CNTNAP5: variants seen among roughly 807,000 people sequenced by gnomAD.
CNTNAP5 encodes the protein contactin-associated protein-like 5.
CNTNAP5 carries 72 observed loss-of-function variants against 150.2 expected under a neutral mutation model. The ratio of observed to expected loss-of-function variants is 0.48; its 90% CI spans 0.40 to 0.58. CNTNAP5 has a LOEUF of 0.58. CNTNAP5 is among the 20% of genes least tolerant of loss of function. The probability of loss-of-function intolerance (pLI) is 0.00; values close to 1 mark genes in which losing one functional copy is unlikely to be tolerated. For synonymous variants in CNTNAP5, 672 were observed against 619.8 expected (o/e 1.08, Z -1.25); for missense variants, 1,636 against 1,626.2 (o/e 1.01, Z -0.10).
chr2:124,698,739 G>A (rs1679458165), intron 13 of CNTNAP5, among the ~76,000 whole-genome samples: 1 of 152,134 alleles, frequency 6.6e-6, no homozygotes, highest in Admixed American at 6.5e-5. Context: ...CAAAGCCCTT[G>A]TCTCTGCCCC....
At chr2:124,390,260 C>T (rs529049317) in intron 3 of CNTNAP5, among the ~76,000 whole-genome samples, 1 of 152,180 alleles carries the variant, frequency 6.6e-6, no homozygotes, top group African/African-American at 2.4e-5. Context: ...ATTTTGATTT[C>T]TCATCTGCAT....
intron 12 of CNTNAP5, among the ~76,000 whole-genome samples, chr2:124,643,698 C>G (rs1017307770): frequency 4.6e-5 from 7 of 152,146 alleles, no homozygotes; most frequent in Non-Finnish European, 7.3e-5. Context: ...GCCAGACAGT[C>G]TATGTGCACC....
intron 17 of CNTNAP5, among the ~76,000 whole-genome samples, chr2:124,774,060 CT>C (rs1489187986): frequency 6.6e-6 from 1 of 151,716 alleles, no homozygotes; most frequent in African/African-American, 2.4e-5. Flanking sequence ...CAAAATCGAG[CT>C]CTTAAAGTTA....
At chr2:124,597,704 G>GGA (rs1394194633) in intron 11 of CNTNAP5, among the ~76,000 whole-genome samples, 3 of 151,908 alleles carry the variant, frequency 2.0e-5, no homozygotes, top group Non-Finnish European at 2.9e-5. Flanking sequence ...TTGCTAGATT[G>GGA]GAGAAGTTCT....
At chr2:124,469,840 C>G (rs1472594437) in intron 6 of CNTNAP5, among the ~76,000 whole-genome samples, 2 of 152,112 alleles carry the variant, frequency 1.3e-5, no homozygotes, top group African/African-American at 4.8e-5. Context: ...GTTTTCTGTT[C>G]CTGCATTAGT....
In CNTNAP5 at chr2:124,798,268, C is replaced by T. The variant is rs1179700656; in HGVS notation, c.3165C>T (p.Leu1055=). The T allele has an allele frequency of 8.1e-6, 13 of 1,613,912 alleles. No individual in the cohort carries two copies. In the East Asian group the frequency reaches 2.9e-4, roughly 36 times the overall value. ...FVTTQAPSLL[L]FINSSSQDFV... is the part of the protein sequence containing the mutation. ...CAACCCAGGCACCCAGTCTTTTGCT[C>T]TTTATCAATTCTTCTTCTCAGGACT... Residue 1055 remains leucine, a synonymous_variant, in exon 19 of 24, where the codon CTC becomes CTT. Transcript: ENST00000682447.
intron 4 of CNTNAP5, among the ~76,000 whole-genome samples, chr2:124,431,388 A>G (rs1314940030): frequency 6.6e-6 from 1 of 151,856 alleles, no homozygotes; most frequent in Non-Finnish European, 1.5e-5. Flanking sequence ...CAGGCAGCCA[A>G]GTACACTGGA....
At chr2:124,391,056 C>T (rs1318394172) in intron 3 of CNTNAP5, among the ~76,000 whole-genome samples, 2 of 152,192 alleles carry the variant, frequency 1.3e-5, no homozygotes, top group African/African-American at 4.8e-5. Context: ...AAATCTGCTT[C>T]TGCATATTAA....
In CNTNAP5 at chr2:124,719,695, A is replaced by AT. The variant is rs537216224; in HGVS notation, c.2078-27526dup. ...TTGAAGGCACTTAAACTATATCCCCATTTTTTTTAACTCTCAATAATACTG... is the reference window on the plus strand; with the variant it reads ...TTGAAGGCACTTAAACTATATCCCCATTTTTTTTTAACTCTCAATAATACTG... On this transcript the variant is annotated intron_variant, in intron 13 of 23. Coordinates refer to ENST00000682447, the MANE Select transcript of CNTNAP5 (RefSeq NM_001367498.1). Among the ~76,000 whole-genome samples, 94 of 151,802 alleles carry AT rather than the reference A, an allele frequency of 6.2e-4. 1 individual carries two copies. Among genetic ancestry groups the AT allele is most frequent in the Non-Finnish European group, 8.1e-4 (55 of 67,924 alleles).
intron 13 of CNTNAP5, among the ~76,000 whole-genome samples, chr2:124,697,903 G>T (rs1326616239): frequency 1.3e-5 from 2 of 151,990 alleles, no homozygotes; most frequent in Non-Finnish European, 2.9e-5. Context: ...TCCTCATTTT[G>T]TATAAGAAAA....
At chr2:124,630,507 T>A (rs1028601903) in intron 12 of CNTNAP5, among the ~76,000 whole-genome samples, 2 of 152,174 alleles carry the variant, frequency 1.3e-5, no homozygotes, top group Admixed American at 6.5e-5. Flanking sequence ...GAAAAGGCCT[T>A]CAATAAAATT....
chr2:124,281,667 G>T (rs533070056), intron 3 of CNTNAP5, among the ~76,000 whole-genome samples: 1 of 152,248 alleles, frequency 6.6e-6, no homozygotes, highest in African/African-American at 2.4e-5. Flanking sequence ...TGGCAAATGT[G>T]GTTCTCCTGG....
chr2:124,158,574 G>A (rs756414038), intron 1 of CNTNAP5, among the ~76,000 whole-genome samples: 8 of 152,126 alleles, frequency 5.3e-5, no homozygotes, highest in South Asian at 2.1e-4. Context: ...TTGAATCCAC[G>A]GATATAGAAC....
At position 124,911,662 on chromosome 2, in the gene CNTNAP5, G is replaced by A. The variant is rs1678658019; in HGVS notation, c.3727+124G>A. 3 of 738,124 alleles carry A rather than the reference G, an allele frequency of 4.1e-6. No individual in the cohort carries two copies. The Admixed American group carries it at 6.5e-5, about 16-fold the overall frequency. The allele number at this position is 738,124 out of a possible 1,614,324, so 45.7% of individuals were successfully genotyped here. A position where few individuals can be genotyped will look rare whatever the true frequency, so the allele number is the denominator to read the frequency against. Reference sequence around the variant, plus strand: ...TCAGAGCCCCCTACATTACCTGCAAGACTGTGGGCTTTTCATGAGTAGTCC... The same window carrying A: ...TCAGAGCCCCCTACATTACCTGCAAAACTGTGGGCTTTTCATGAGTAGTCC... On this transcript the variant is annotated intron_variant, in intron 23 of 23. Coordinates refer to ENST00000682447, the MANE Select transcript of CNTNAP5 (RefSeq NM_001367498.1).
intron 19 of CNTNAP5, among the ~76,000 whole-genome samples, chr2:124,828,430 G>A (rs755337290): frequency 7.9e-5 from 12 of 151,994 alleles, no homozygotes; most frequent in Non-Finnish European, 1.6e-4. Context: ...GCAGCAAGCT[G>A]AGATCGTGCC....
intron 3 of CNTNAP5, among the ~76,000 whole-genome samples, chr2:124,275,963 C>T (rs1471461757): frequency 6.6e-6 from 1 of 152,180 alleles, no homozygotes; most frequent in Non-Finnish European, 1.5e-5. Flanking sequence ...GCCAATGGAA[C>T]TGTCTAATGT....
At chr2:124,037,115 C>G (rs1017524166) in intron 1 of CNTNAP5, among the ~76,000 whole-genome samples, 3 of 152,160 alleles carry the variant, frequency 2.0e-5, no homozygotes, top group Non-Finnish European at 4.4e-5. Flanking sequence ...CTAGAAGTCA[C>G]TATGTCAACC....
At chr2:124,037,640 C>G (rs914093307) in intron 1 of CNTNAP5, among the ~76,000 whole-genome samples, 1 of 152,060 alleles carries the variant, frequency 6.6e-6, no homozygotes, top group African/African-American at 2.4e-5. Flanking sequence ...ATTCAAATTC[C>G]TAGAAGCAGG....
chr2:124,109,606 T>C (rs143669025), intron 1 of CNTNAP5, among the ~76,000 whole-genome samples: 193 of 152,258 alleles, frequency 1.3e-3, no homozygotes, highest in Non-Finnish European at 2.2e-3. Context: ...CAGAGACCGA[T>C]TTCCCTGCCT....
Sources: gnomAD v4.1 joint callset for allele counts (sites outside exome capture counted in the v4.1 genomes callset) on GRCh38, gnomAD v4.1.1 for gene constraint, MANE v1.5 for transcripts, NCBI Gene and HGNC (gene_info 2026-07-23, HGNC 2026-07-21) for gene names.